Variants in ITPK1 observed in about 807,000 individuals in gnomAD.
The protein encoded by ITPK1 is inositol 1,3,4-trisphosphate 5/6-kinase.
In ITPK1, 21 loss-of-function variants were observed where a neutral mutation model predicts 45.3. The observed-to-expected ratio is 0.46, with a 90% CI of 0.33 to 0.67. The LOEUF is 0.67. Among genes scored for constraint, ITPK1 ranks in the 30% least tolerant of loss-of-function variants. The pLI, the probability that ITPK1 is intolerant of heterozygous loss-of-function variation, is 0.02. For synonymous variants in ITPK1, 258 were observed against 253.6 expected (o/e 1.02, Z -0.16); for missense variants, 474 against 573.5 (o/e 0.83, Z 1.77).
intron 3 of ITPK1, among the ~76,000 whole-genome samples, chr14:93,061,950 G>A (rs1335853144): frequency 1.3e-5 from 2 of 152,282 alleles, no homozygotes; most frequent in East Asian, 3.9e-4. Flanking sequence ...GTGTTTGTGG[G>A]AACAGATTAC....
chr14:93,024,909 T>A (rs543552819), intron 3 of ITPK1, among the ~76,000 whole-genome samples: 1 of 152,218 alleles, frequency 6.6e-6, no homozygotes, highest in East Asian at 1.9e-4. Flanking sequence ...AGACGTCCTT[T>A]CCTGATGTGC....
intron 9 of ITPK1, among the ~76,000 whole-genome samples, chr14:92,948,530 G>A (rs1201393595): frequency 5.3e-5 from 8 of 151,996 alleles, no homozygotes; most frequent in African/African-American, 1.9e-4. Flanking sequence ...TAGGGACAGG[G>A]TCTCACTATC....
At chr14:92,992,364 TC>T (rs1167946491) in intron 5 of ITPK1, among the ~76,000 whole-genome samples, 1 of 152,234 alleles carries the variant, frequency 6.6e-6, no homozygotes, top group Non-Finnish European at 1.5e-5. Flanking sequence ...TACAGCTCTT[TC>T]TTCCCATCTG....
intron 3 of ITPK1, among the ~76,000 whole-genome samples, chr14:93,047,595 G>T (rs1009239503): frequency 6.6e-6 from 1 of 152,222 alleles, no homozygotes; most frequent in Non-Finnish European, 1.5e-5. Flanking sequence ...GGGACTATGA[G>T]AAGCTGGCAG....
rs1190124024 is a variant in ITPK1 at position 92,937,278 on chromosome 14, C to G, written c.*4283G>C. ...GAAGTTGCTTGTGAACAGCTTGAAGCAAACAGCATTTGTCACAAAGCCCAG... is the reference window on the plus strand; with the variant it reads ...GAAGTTGCTTGTGAACAGCTTGAAGGAAACAGCATTTGTCACAAAGCCCAG... On this transcript the variant is annotated 3_prime_UTR_variant, in exon 11 of 11. Transcript: ENST00000267615. 1 of 152,242 alleles carries G rather than the reference C, an allele frequency of 6.6e-6. No individual in the cohort carries two copies. Among genetic ancestry groups the G allele is most frequent in the Admixed American group, 6.5e-5 (1 of 15,292 alleles). 9.4% of individuals were successfully genotyped at this position (152,242 alleles called of 1,614,324 possible).
At chr14:93,074,425 C>A (rs908889613) in intron 3 of ITPK1, among the ~76,000 whole-genome samples, 1 of 152,220 alleles carries the variant, frequency 6.6e-6, no homozygotes, top group Non-Finnish European at 1.5e-5. Context: ...AACCCGCCGA[C>A]CCCTGTCCAT....
intron 3 of ITPK1, among the ~76,000 whole-genome samples, chr14:93,022,403 G>A (rs1193617226): frequency 2.0e-5 from 3 of 152,228 alleles, no homozygotes; most frequent in Non-Finnish European, 4.4e-5. Flanking sequence ...AGATGGTGTG[G>A]CTGGGCACAG....
At chr14:92,994,710 C>A (rs943051357) in intron 4 of ITPK1, among the ~76,000 whole-genome samples, 4 of 152,310 alleles carry the variant, frequency 2.6e-5, no homozygotes, top group African/African-American at 4.8e-5. Context: ...TGCTCCCAAC[C>A]TCCATGATTC....
intron 3 of ITPK1, among the ~76,000 whole-genome samples, chr14:93,058,807 G>A (rs1190001039): frequency 1.1e-4 from 1 of 9,484 alleles, no homozygotes; most frequent in East Asian, 1.6e-3. Flanking sequence ...AGGCGGGGGC[G>A]GGTGCTGGTC....
chr14:92,993,863 G>A lies in ITPK1; in HGVS notation c.364+17C>T, dbSNP rs1169923653. The A allele has an allele frequency of 6.6e-7, 1 of 1,516,056 alleles. No homozygotes were observed. The highest frequency in any genetic ancestry group is 2.3e-5 in the East Asian group (1 of 44,438). The allele number at this position is 1,516,056 out of a possible 1,614,324, so 93.9% of individuals were successfully genotyped here. A position where few individuals can be genotyped will look rare whatever the true frequency, so the allele number is the denominator to read the frequency against. ...GGTGGCTGCCTGCCACGGATGTGGTGCCACACGTGTCCCTACCTTCCATGT... is the reference window on the plus strand; with the variant it reads ...GGTGGCTGCCTGCCACGGATGTGGTACCACACGTGTCCCTACCTTCCATGT... On this transcript the variant is annotated intron_variant, in intron 5 of 10. Coordinates refer to ENST00000267615, the MANE Select transcript of ITPK1 (RefSeq NM_014216.6).
At chr14:92,961,460 G>A (rs1310765792) in intron 7 of ITPK1, among the ~76,000 whole-genome samples, 3 of 152,196 alleles carry the variant, frequency 2.0e-5, no homozygotes, top group Non-Finnish European at 4.4e-5. Flanking sequence ...ATGAATGGGC[G>A]GGTGGGTGAC....
intron 3 of ITPK1, among the ~76,000 whole-genome samples, chr14:93,074,754 A>T (rs759602254): frequency 1.3e-5 from 2 of 152,168 alleles, no homozygotes; most frequent in Non-Finnish European, 2.9e-5. Flanking sequence ...ACCATCATAG[A>T]GGGCTAAAAG....
intron 3 of ITPK1, among the ~76,000 whole-genome samples, chr14:93,025,895 A>G (rs1187726544): frequency 6.6e-6 from 1 of 152,170 alleles, no homozygotes; most frequent in East Asian, 1.9e-4. Flanking sequence ...TGGAAGGTTG[A>G]GGCAGGTGGA....
chr14:92,949,836 G>A (rs1407719428), intron 9 of ITPK1, among the ~76,000 whole-genome samples: 2 of 152,220 alleles, frequency 1.3e-5, no homozygotes, highest in Admixed American at 6.5e-5. Context: ...AGGACAAGAT[G>A]CCTGGGGCCC....
intron 4 of ITPK1, among the ~76,000 whole-genome samples, chr14:92,998,536 G>T (rs1042189911): frequency 2.0e-5 from 3 of 152,214 alleles, no homozygotes; most frequent in African/African-American, 7.2e-5. Context: ...ATCCGGGTTG[G>T]GGGCAGGGAC....
Position 92,938,611 on chromosome 14 carries a change from GC to G in ITPK1, c.*2949del. 3 of 1,171,442 alleles carry G rather than the reference GC, an allele frequency of 2.6e-6. No individual in the cohort carries two copies. Among genetic ancestry groups the G allele is most frequent in the South Asian group, 1.3e-5 (1 of 78,520 alleles). 72.6% of individuals were successfully genotyped at this position (1,171,442 alleles called of 1,614,324 possible). ...ACACAGGCAGGCCCAGGCACAGGAA[GC>G]CCCATGGAACCTGCCAGGTTGCAGC... is the stretch of plus-strand genomic sequence containing the variant. On this transcript the variant is annotated 3_prime_UTR_variant, in exon 11 of 11. Coordinates refer to ENST00000267615, the MANE Select transcript of ITPK1 (RefSeq NM_014216.6).
At chr14:93,013,134 C>A (rs1474782724) in intron 4 of ITPK1, among the ~76,000 whole-genome samples, 1 of 152,228 alleles carries the variant, frequency 6.6e-6, no homozygotes, top group East Asian at 1.9e-4. Context: ...GGGGCCCCTG[C>A]CTGGTTCTGC....
At chr14:93,024,933 G>T (rs1009148104) in intron 3 of ITPK1, among the ~76,000 whole-genome samples, 2 of 152,106 alleles carry the variant, frequency 1.3e-5, no homozygotes, top group Non-Finnish European at 2.9e-5. Flanking sequence ...GATTGAGGCT[G>T]GGGGGAGCTA....
At chr14:92,962,669 G>T (rs1195626838) in intron 6 of ITPK1, 82 bp downstream of exon 6, 1 of 1,047,926 alleles carries the variant, frequency 9.5e-7, no homozygotes, top group South Asian at 1.3e-5. Context: ...AAATCCAGAG[G>T]GCACTATAAA....
Sources: allele counts gnomAD v4.1 joint callset (sites outside exome capture counted in the v4.1 genomes callset), GRCh38; gene constraint gnomAD v4.1.1; transcripts MANE v1.5; gene names NCBI Gene and HGNC (gene_info 2026-07-23, HGNC 2026-07-21).